The following AP1AR variants were observed in gnomAD, a reference collection of about 807,000 sequenced individuals.
AP1AR encodes AP-1 complex-associated regulatory protein.
A neutral mutation model predicts 46.3 loss-of-function variants in AP1AR; 29 were observed. The observed-to-expected ratio is 0.63, with a 90% CI of 0.47 to 0.85. The LOEUF (loss-of-function observed/expected upper bound fraction) is 0.85. Ranked by LOEUF, AP1AR falls within the 40% of genes least tolerant of loss-of-function variation. The pLI is 0.00. For missense variants in AP1AR, 357 were observed against 356.3 expected, an observed-to-expected ratio of 1.00 and a Z score of -0.02; for synonymous variants, 122 against 122.9, an observed-to-expected ratio of 0.99 and a Z score of 0.05.
At chr4:112,241,228 G>T (rs1229709147) in intron 1 of AP1AR, among the ~76,000 whole-genome samples, 2 of 152,090 alleles carry the variant, frequency 1.3e-5, no homozygotes, top group South Asian at 2.1e-4. Flanking sequence ...CAGTAAATAT[G>T]ATTATTATTA....
At position 112,271,146 on chromosome 4, in the gene AP1AR, G is replaced by A. The variant is rs762169781; in HGVS notation, c.*2737G>A. Among the ~76,000 whole-genome samples, 6 of 152,176 alleles carry A rather than the reference G, an allele frequency of 3.9e-5. No homozygotes were observed. Among genetic ancestry groups the A allele is most frequent in the East Asian group, 1.9e-4 (1 of 5,192 alleles). ...ACCTTGCTCACTGCACATAGTCCAC[G>A]TAGGCAAAACTCAACCACAGTCTGA... On this transcript the variant is annotated 3_prime_UTR_variant, in exon 10 of 10. Coordinates refer to ENST00000274000, the MANE Select transcript of AP1AR (RefSeq NM_018569.6).
intron 1 of AP1AR, among the ~76,000 whole-genome samples, chr4:112,236,741 G>A (rs1407389335): frequency 6.6e-6 from 1 of 151,980 alleles, no homozygotes; most frequent in Non-Finnish European, 1.5e-5. Flanking sequence ...ACAGCATGAT[G>A]AATTACATGG....
chr4:112,232,148 G>A lies in AP1AR; in HGVS notation c.57G>A (p.Arg19=), dbSNP rs771366904. 2.6e-5 allele frequency: 33 copies of A among 1,282,926 alleles called. No individual in the cohort carries two copies. The highest frequency in any genetic ancestry group is 3.3e-5 in the Non-Finnish European group (33 of 1,005,884). The allele number at this position is 1,282,926 out of a possible 1,614,324, so 79.5% of individuals were successfully genotyped here. A position where few individuals can be genotyped will look rare whatever the true frequency, so the allele number is the denominator to read the frequency against. ...GACTGCTTCGCAAGGAAGCGGGGCG[G>A]CTGCAGCGAGTAGGCGGCGGCGGAG... ...CFGLLRKEAG[R]LQRVGGGGGS... is the part of the protein sequence containing the mutation. Residue 19 remains arginine, a synonymous_variant, in exon 1 of 10, where the codon CGG becomes CGA. Coordinates refer to ENST00000274000, the MANE Select transcript of AP1AR (RefSeq NM_018569.6).
intron 4 of AP1AR, among the ~76,000 whole-genome samples, chr4:112,259,903 G>A (rs772757055): frequency 1.4e-4 from 21 of 152,216 alleles, no homozygotes; most frequent in Admixed American, 3.9e-4. Flanking sequence ...AAGTTGGGGC[G>A]ATTCATGGTT....
intron 5 of AP1AR, among the ~76,000 whole-genome samples, chr4:112,261,486 A>G (rs1726440288): frequency 6.6e-6 from 1 of 152,102 alleles, no homozygotes; most frequent in African/African-American, 2.4e-5. Flanking sequence ...GTTTCACAAT[A>G]AGTGGTTTTT....
intron 1 of AP1AR, among the ~76,000 whole-genome samples, chr4:112,247,079 C>T (rs951622603): frequency 6.6e-6 from 1 of 152,150 alleles, no homozygotes; most frequent in Admixed American, 6.5e-5. Flanking sequence ...TGGGAGATAA[C>T]TCACTCTTCC....
chr4:112,265,833 A>G (rs1726681488), intron 8 of AP1AR, 26 bp downstream of exon 8: 1 of 1,435,522 alleles, frequency 7.0e-7, no homozygotes, highest in Non-Finnish European at 9.8e-7. Flanking sequence ...TATTTTCTGT[A>G]CTTTTTATGC....
In AP1AR at chr4:112,232,121, C is replaced by T. The variant is rs576563367; in HGVS notation, c.30C>T (p.Phe10=). ...GGAACTGCTGCTGGACGCAGTGCTT[C>T]GGACTGCTTCGCAAGGAAGCGGGGC... is the stretch of plus-strand genomic sequence containing the variant. MGNCCWTQC[F]GLLRKEAGRL... is the part of the protein sequence containing the mutation. Residue 10 remains phenylalanine (F), a synonymous_variant, in exon 1 of 10, where the codon TTC becomes TTT. Transcript: ENST00000274000. 8.5e-6 allele frequency: 11 copies of T among 1,300,288 alleles called. No homozygotes were observed. In the Admixed American group the frequency reaches 2.8e-4, roughly 33 times the overall value. 80.5% of individuals were successfully genotyped at this position (1,300,288 alleles called of 1,614,324 possible).
At chr4:112,241,652 T>G (rs544720370) in intron 1 of AP1AR, among the ~76,000 whole-genome samples, 1 of 152,220 alleles carries the variant, frequency 6.6e-6, no homozygotes, top group Non-Finnish European at 1.5e-5. Context: ...GCACCAGATA[T>G]AATGTTTAGC....
At chr4:112,240,420 A>G (rs1233926560) in intron 1 of AP1AR, among the ~76,000 whole-genome samples, 1 of 152,170 alleles carries the variant, frequency 6.6e-6, no homozygotes, top group Admixed American at 6.5e-5. Context: ...GTTTATAGTC[A>G]TACTGATATA....
rs756440142 is a variant in AP1AR, at chr4:112,269,066, G to C, written c.*657G>C. 5 of 145,162 alleles carry C rather than the reference G, an allele frequency of 3.4e-5. No individual in the cohort carries two copies. The highest frequency in any genetic ancestry group is 6.0e-5 in the Non-Finnish European group (4 of 66,630). The allele number at this position is 145,162 out of a possible 1,614,324, so 9.0% of individuals were successfully genotyped here. Reference sequence around the variant, plus strand: ...TTCAGAGTTTGGACATTTCAAGTTGGTAATAATAAAAAATAATATTTAAGA... The same window carrying C: ...TTCAGAGTTTGGACATTTCAAGTTGCTAATAATAAAAAATAATATTTAAGA... On this transcript the variant is annotated 3_prime_UTR_variant, in exon 10 of 10. Coordinates refer to ENST00000274000, the MANE Select transcript of AP1AR (RefSeq NM_018569.6).
intron 4 of AP1AR, among the ~76,000 whole-genome samples, chr4:112,259,460 G>C (rs1726347152): frequency 6.6e-6 from 1 of 152,144 alleles, no homozygotes; most frequent in Non-Finnish European, 1.5e-5. Flanking sequence ...TTGTTGTGAG[G>C]ATTACAATTT....
intron 3 of AP1AR, among the ~76,000 whole-genome samples, chr4:112,255,787 A>C (rs1198723476): frequency 1.3e-5 from 2 of 152,236 alleles, no homozygotes; most frequent in Non-Finnish European, 2.9e-5. Context: ...CAAATTGTGT[A>C]TATTTCAACA....
intron 6 of AP1AR, among the ~76,000 whole-genome samples, chr4:112,264,738 A>G (rs922809842): frequency 7.2e-5 from 11 of 152,096 alleles, no homozygotes; most frequent in African/African-American, 2.7e-4. Context: ...TAAGGATATC[A>G]ATACATATCT....
chr4:112,262,072 T>C (rs1337538681), intron 5 of AP1AR, among the ~76,000 whole-genome samples: 1 of 151,976 alleles, frequency 6.6e-6, no homozygotes, highest in Non-Finnish European at 1.5e-5. Flanking sequence ...CCCAGCACTT[T>C]GGAGGCCAAG....
chr4:112,247,319 A>C (rs1180019509), intron 1 of AP1AR, among the ~76,000 whole-genome samples: 1 of 152,242 alleles, frequency 6.6e-6, no homozygotes, highest in Non-Finnish European at 1.5e-5. Context: ...AAGTACTTTT[A>C]CTGATCTGAG....
intron 1 of AP1AR, among the ~76,000 whole-genome samples, chr4:112,242,864 T>G (rs1247837132): frequency 1.3e-5 from 2 of 152,202 alleles, no homozygotes; most frequent in East Asian, 3.8e-4. Context: ...TTTACTTCAT[T>G]TAGAGACAGC....
intron 2 of AP1AR, among the ~76,000 whole-genome samples, chr4:112,253,812 G>A (rs900800103): frequency 2.0e-5 from 3 of 152,130 alleles, no homozygotes; most frequent in South Asian, 2.1e-4. Context: ...GAGAAATTGG[G>A]CTATATTACA....
In AP1AR at chr4:112,254,678, CAT is replaced by C. The variant is rs548553280; in HGVS notation, c.133-67_133-66del. 490 of 974,086 alleles carry C rather than the reference CAT, an allele frequency of 5.0e-4. 2 individuals carry two copies. The Middle Eastern group carries it at 8.8e-3, about 18-fold the overall frequency. The allele number at this position is 974,086 out of a possible 1,614,324, so 60.3% of individuals were successfully genotyped here. A position where few individuals can be genotyped will look rare whatever the true frequency, so the allele number is the denominator to read the frequency against. ...TATTATTTTTAAGTGAAAAAAGTAA[CAT>C]AATTTCTTGTGAGATGTATACCTAA... On this transcript the variant is annotated intron_variant, in intron 2 of 9. Coordinates refer to ENST00000274000, the MANE Select transcript of AP1AR (RefSeq NM_018569.6).
Sources: gnomAD v4.1 joint callset for allele counts (sites outside exome capture counted in the v4.1 genomes callset) on GRCh38, gnomAD v4.1.1 for gene constraint, MANE v1.5 for transcripts, NCBI Gene and HGNC (gene_info 2026-07-23, HGNC 2026-07-21) for gene names.